GNA15: variants seen among roughly 807,000 people sequenced by gnomAD.
The protein encoded by GNA15 is guanine nucleotide-binding protein subunit alpha-15.
A neutral mutation model predicts 40.1 loss-of-function variants in GNA15; 23 were observed. The observed-to-expected ratio is 0.57, with a 90% CI of 0.41 to 0.81. GNA15 has a LOEUF of 0.81. Among genes scored for constraint, GNA15 ranks in the 40% least tolerant of loss-of-function variants. The pLI, the probability that GNA15 is intolerant of heterozygous loss-of-function variation, is 0.00. For missense variants in GNA15, 522 were observed against 515.8 expected, an observed-to-expected ratio of 1.01 and a Z score of -0.12; for synonymous variants, 226 against 210.4, an observed-to-expected ratio of 1.07 and a Z score of -0.64.
chr19:3,137,847 G>A (rs1046287059), intron 1 of GNA15, among the ~76,000 whole-genome samples: 9 of 152,052 alleles, frequency 5.9e-5, no homozygotes, highest in African/African-American at 2.2e-4. Flanking sequence ...TATAATCCCA[G>A]CTACTCGGGA....
chr19:3,145,359 A>ATATATATATATATTTTTTTTT, intron 1 of GNA15, among the ~76,000 whole-genome samples: 1 of 46,972 alleles, frequency 2.1e-5, no homozygotes, highest in African/African-American at 9.2e-5. Context: ...ATATATATAT[A>ATATATATATATATTTTTTTTT]TTTTTTTTTT....
At chr19:3,153,728 G>GT (rs139317275) in intron 4 of GNA15, among the ~76,000 whole-genome samples, 23,144 of 149,012 alleles carry the variant, frequency 0.16, 2,156 homozygotes, top group Non-Finnish European at 0.21. Context: ...GGATGAATGG[G>GT]TGGGTGAATG....
At chr19:3,156,079 A>G in intron 5 of GNA15, 127 bp downstream of exon 5, 1 of 863,718 alleles carries the variant, frequency 1.2e-6, no homozygotes, top group South Asian at 1.7e-5. Flanking sequence ...CAGCATGGCT[A>G]TGAACTTGAC....
In GNA15 at chr19:3,136,551, A is replaced by T. The variant is rs768354703; in HGVS notation, c.101A>T (p.Glu34Val). The change falls in exon 1 of 7, where the codon GAG becomes GTG. Residue 34 changes from glutamate to valine, a missense_variant. Transcript: ENST00000262958. The surrounding 1 kb of genome is among the most constrained non-coding windows in gnomAD (Gnocchi z 4.9). ...VDQEINRILL[E>V]QKKQDRGELK... ...CAGGAGATCAACAGGATCCTCTTGG[A>T]GCAGAAGAAGCAGGACCGCGGGGAG... is the stretch of plus-strand genomic sequence containing the variant. 25 of 1,568,208 alleles carry T rather than the reference A, an allele frequency of 1.6e-5. No homozygotes were observed. Among genetic ancestry groups the T allele is most frequent in the Non-Finnish European group, 2.2e-5 (25 of 1,156,938 alleles).
intron 6 of GNA15, among the ~76,000 whole-genome samples, chr19:3,159,491 C>T (rs576597295): frequency 4.6e-4 from 70 of 152,142 alleles, no homozygotes; most frequent in African/African-American, 1.7e-3. Flanking sequence ...GGATTGCAGG[C>T]ATGAGCCACC....
At chr19:3,152,258 G>T (rs1914898939) in intron 4 of GNA15, among the ~76,000 whole-genome samples, 1 of 152,120 alleles carries the variant, frequency 6.6e-6, no homozygotes, top group Non-Finnish European at 1.5e-5. Flanking sequence ...AGAGTGTGAG[G>T]CTGGAAGTCA....
chr19:3,150,311 G>A, intron 3 of GNA15, 26 bp downstream of exon 3: 1 of 1,521,162 alleles, frequency 6.6e-7, no homozygotes, highest in Non-Finnish European at 8.8e-7. Context: ...GCGGGGGATG[G>A]GCGCGTGGGG....
At chr19:3,143,070 C>T (rs1339339493) in intron 1 of GNA15, 1 of 152,076 alleles carries the variant, frequency 6.6e-6, no homozygotes, top group Non-Finnish European at 1.5e-5. Flanking sequence ...TACCCCAGCT[C>T]GACTGGCCGT....
intron 6 of GNA15, among the ~76,000 whole-genome samples, chr19:3,160,670 G>T (rs1915120624): frequency 6.6e-6 from 1 of 152,164 alleles, no homozygotes. Context: ...CACAAACTGG[G>T]TGGCTTAAAA....
At chr19:3,152,526 A>G (rs542720949) in intron 4 of GNA15, among the ~76,000 whole-genome samples, 82 of 152,154 alleles carry the variant, frequency 5.4e-4, no homozygotes, top group Non-Finnish European at 9.6e-4. Flanking sequence ...ACTCCACCTT[A>G]GCTGGCAGAC....
Position 3,157,795 on chromosome 19 carries a change from C to T in GNA15, c.812C>T (p.Ser271Phe), listed in dbSNP as rs1304349285. 9.3e-6 allele frequency: 15 copies of T among 1,613,162 alleles called. No individual in the cohort carries two copies. Among genetic ancestry groups the T allele is most frequent in the Non-Finnish European group, 1.2e-5 (14 of 1,179,198 alleles). Reference sequence around the variant, plus strand: ...GAACTACCCTGGTTCAAAAGCACATCCGTCATCCTCTTTCTCAACAAAACC... The same window carrying T: ...GAACTACCCTGGTTCAAAAGCACATTCGTCATCCTCTTTCTCAACAAAACC... The part of the protein sequence containing the change: ...ILELPWFKST[S>F]VILFLNKTDI... Residue 271 changes from serine (S) to phenylalanine (F), a missense_variant, in exon 6 of 7, where the codon TCC becomes TTC. Transcript: ENST00000262958.
chr19:3,141,402 A>T (rs1036523109), intron 1 of GNA15, among the ~76,000 whole-genome samples: 4 of 151,996 alleles, frequency 2.6e-5, no homozygotes, highest in African/African-American at 4.8e-5. Context: ...TTTATTTTTT[A>T]TTTTTATTTT....
At chr19:3,158,018 C>T in intron 6 of GNA15, 137 bp downstream of exon 6, 1 of 676,128 alleles carries the variant, frequency 1.5e-6, no homozygotes, top group African/African-American at 1.8e-5. Flanking sequence ...AGACTCAGCT[C>T]CATCCACTGC....
At chr19:3,137,667 T>C (rs1914486211) in intron 1 of GNA15, among the ~76,000 whole-genome samples, 1 of 152,006 alleles carries the variant, frequency 6.6e-6, no homozygotes, top group African/African-American at 2.4e-5. Context: ...CTGTAGTCCC[T>C]GCTACTCGGG....
intron 1 of GNA15, 144 bp from the exon 2 acceptor site, chr19:3,148,447 A>G (rs936457925): frequency 1.7e-4 from 122 of 715,948 alleles, no homozygotes; most frequent in Admixed American, 1.2e-4. Context: ...CCGCTAGCCT[A>G]GGGTCACTGA....
intron 1 of GNA15, 64 bp from the exon 2 acceptor site, chr19:3,148,527 G>A (rs1914788889): frequency 6.8e-6 from 10 of 1,462,762 alleles, no homozygotes; most frequent in South Asian, 4.0e-5. Flanking sequence ...TCTGACGTGG[G>A]GTTGGGGGTG....
At chr19:3,159,272 TCTCGGC>T (rs1915093227) in intron 6 of GNA15, among the ~76,000 whole-genome samples, 1 of 148,628 alleles carries the variant, frequency 6.7e-6, no homozygotes, top group African/African-American at 2.5e-5. Context: ...GATCCACCTG[TCTCGGC>T]CTCCCAAAGT....
Position 3,136,428 on chromosome 19 carries a change from G to T in GNA15, c.-23G>T, listed in dbSNP as rs996390197. 3.9e-6 allele frequency: 6 copies of T among 1,545,984 alleles called. No homozygotes were observed. The highest frequency in any genetic ancestry group is 5.2e-6 in the Non-Finnish European group (6 of 1,145,348). The stretch of plus-strand genomic sequence containing the variant: ...AGGGGCCCGGGGGCGATGCCACCCG[G>T]TGCCGACTGAGGCCACCGCACCATG... On this transcript the variant is annotated 5_prime_UTR_variant, in exon 1 of 7. Transcript: ENST00000262958. This position sits in a 1 kb window ranked among gnomAD's most constrained non-coding sequence, Gnocchi z 4.9.
intron 1 of GNA15, among the ~76,000 whole-genome samples, chr19:3,139,551 T>C (rs1288467480): frequency 1.5e-4 from 21 of 140,652 alleles, no homozygotes. Context: ...GCTATGATCA[T>C]GCCACTGCAC....
Sources: allele counts gnomAD v4.1 joint callset (sites outside exome capture counted in the v4.1 genomes callset), GRCh38; gene constraint gnomAD v4.1.1; non-coding constraint Gnocchi (gnomAD v3.1); transcripts MANE v1.5; gene names NCBI Gene and HGNC (gene_info 2026-07-23, HGNC 2026-07-21).